Variants in PDE1C observed in about 807,000 individuals in gnomAD.
PDE1C encodes the protein phosphodiesterase 1C.
PDE1C carries 62 observed loss-of-function variants against 93.1 expected under a neutral mutation model. The ratio of observed to expected loss-of-function variants is 0.67; its 90% CI spans 0.54 to 0.82. The LOEUF is 0.82. PDE1C is among the 40% of genes least tolerant of loss of function. The pLI is 0.00. For missense variants in PDE1C, 742 were observed against 884.6 expected (o/e 0.84, Z 2.04); for synonymous variants, 325 against 310.1 (o/e 1.05, Z -0.50).
rs191691310 is a variant in PDE1C at position 32,270,593 on chromosome 7, G to C, written c.85+28058C>G. Reference sequence around the variant, plus strand: ...GGACAAGTTGAAACTCTACGTGTAAGGAGCTGGTTAGGAATAGTGAAGAAG... The same window carrying C: ...GGACAAGTTGAAACTCTACGTGTAACGAGCTGGTTAGGAATAGTGAAGAAG... On this transcript the variant is annotated intron_variant, in intron 1 of 18. Coordinates refer to the PDE1C transcript ENST00000396193. Among the ~76,000 whole-genome samples the C allele has an allele frequency of 1.5e-4, 23 of 152,284 alleles. No homozygotes were observed. In the East Asian group the frequency reaches 2.3e-3, roughly 15 times the overall value.
intron 1 of PDE1C, among the ~76,000 whole-genome samples, chr7:32,420,193 G>GTA (rs1166264006): frequency 3.6e-5 from 1 of 28,060 alleles, no homozygotes; most frequent in African/African-American, 1.2e-4. Flanking sequence ...ATATATATGT[G>GTA]TATATATATA....
intron 3 of PDE1C, among the ~76,000 whole-genome samples, chr7:32,132,657 C>A (rs1799984418): frequency 6.6e-6 from 1 of 152,128 alleles, no homozygotes. Context: ...CAGAGCAAGA[C>A]TTTGTCTCAA....
At chr7:32,114,369 G>C (rs1350939477) in intron 3 of PDE1C, among the ~76,000 whole-genome samples, 3 of 152,060 alleles carry the variant, frequency 2.0e-5, no homozygotes, top group Non-Finnish European at 4.4e-5. Flanking sequence ...CAAGCAATGG[G>C]GAAAGGATCT....
chr7:31,834,841 G>A (rs1562887927), intron 11 of PDE1C, among the ~76,000 whole-genome samples: 1 of 151,972 alleles, frequency 6.6e-6, no homozygotes. Context: ...GTTAGAATAC[G>A]AGATTTGGGA....
the PDE1C span, among the ~76,000 whole-genome samples, chr7:31,711,936 T>C: frequency 6.6e-6 from 1 of 152,038 alleles, no homozygotes; most frequent in Admixed American, 6.6e-5. Context: ...GGGACCCTCC[T>C]CTCCCTTCCC....
intron 2 of PDE1C, among the ~76,000 whole-genome samples, chr7:31,961,254 A>G (rs57697223): frequency 0.2 from 29,644 of 150,988 alleles, 3,421 homozygotes; most frequent in African/African-American, 0.32. Context: ...GTATATATAT[A>G]TATATATACA....
chr7:31,791,087 T>C (rs776322469), intron 16 of PDE1C, among the ~76,000 whole-genome samples: 1 of 152,108 alleles, frequency 6.6e-6, no homozygotes, highest in Non-Finnish European at 1.5e-5. Context: ...TAGAAGCCTT[T>C]ACAGGACAAG....
the PDE1C span, among the ~76,000 whole-genome samples, chr7:31,639,104 G>T: frequency 1.3e-5 from 2 of 152,066 alleles, no homozygotes; most frequent in South Asian, 4.1e-4. Flanking sequence ...GTGCCTTGGT[G>T]TAGTTTTCTT....
At chr7:32,271,368 A>G (rs918600572) in intron 1 of PDE1C, among the ~76,000 whole-genome samples, 1 of 152,268 alleles carries the variant, frequency 6.6e-6, no homozygotes, top group African/African-American at 2.4e-5. Flanking sequence ...AGATAATTTC[A>G]TATGAAGATG....
intron 2 of PDE1C, chr7:31,893,398 G>T: frequency 2.7e-6 from 2 of 736,942 alleles, no homozygotes; most frequent in Non-Finnish European, 3.3e-6. Context: ...TCTAATAACT[G>T]AACGTGTCAA....
At chr7:32,155,127 C>A (rs985572927) in intron 3 of PDE1C, among the ~76,000 whole-genome samples, 1 of 152,208 alleles carries the variant, frequency 6.6e-6, no homozygotes, top group Non-Finnish European at 1.5e-5. Context: ...TCCACAGCAG[C>A]ATCAAAACCA....
chr7:32,207,002 G>C (rs1418971043), intron 2 of PDE1C, among the ~76,000 whole-genome samples: 1 of 152,186 alleles, frequency 6.6e-6, no homozygotes, highest in Non-Finnish European at 1.5e-5. Flanking sequence ...ACTTCCCCAT[G>C]TTACTGTATG....
At chr7:31,927,331 G>C (rs559619877) in intron 2 of PDE1C, among the ~76,000 whole-genome samples, 1 of 152,310 alleles carries the variant, frequency 6.6e-6, no homozygotes, top group South Asian at 2.1e-4. Flanking sequence ...ATCTCCCTGG[G>C]ACAGAGCACT....
At chr7:32,327,039 A>G (rs924989743) in intron 1 of PDE1C, among the ~76,000 whole-genome samples, 1 of 152,292 alleles carries the variant, frequency 6.6e-6, no homozygotes, top group East Asian at 1.9e-4. Context: ...AGTCATCTTC[A>G]TTCCTACTTA....
chr7:32,145,025 T>C (rs1481295079), intron 3 of PDE1C, among the ~76,000 whole-genome samples: 2 of 152,218 alleles, frequency 1.3e-5, no homozygotes, highest in Non-Finnish European at 1.5e-5. Context: ...TTATTAGCAA[T>C]AGCAAATTAC....
chr7:31,946,474 C>T (rs567462539), intron 2 of PDE1C, among the ~76,000 whole-genome samples: 11 of 152,286 alleles, frequency 7.2e-5, no homozygotes, highest in South Asian at 6.2e-4. Flanking sequence ...TGGCTCCTTG[C>T]TTCTAGCATT....
the PDE1C span, among the ~76,000 whole-genome samples, chr7:31,728,279 G>T: frequency 6.6e-6 from 1 of 152,098 alleles, no homozygotes; most frequent in East Asian, 1.9e-4. Context: ...GCCCAAGGGA[G>T]CCTAGAGCTG....
chr7:32,341,173 C>CT (rs3079623), intron 1 of PDE1C, among the ~76,000 whole-genome samples: 2,192 of 84,864 alleles, frequency 0.026, 186 homozygotes, highest in African/African-American at 0.087. Flanking sequence ...GAAATAAAGT[C>CT]TTTTTTTTTT....
chr7:32,035,620 A>T (rs774070188), intron 2 of PDE1C, among the ~76,000 whole-genome samples: 17 of 152,172 alleles, frequency 1.1e-4, no homozygotes, highest in Non-Finnish European at 1.9e-4. Context: ...TGGGTCCCAA[A>T]CTAAATTTCC....
Sources: allele counts gnomAD v4.1 joint callset (sites outside exome capture counted in the v4.1 genomes callset), GRCh38; gene constraint gnomAD v4.1.1; transcripts MANE v1.5; gene names NCBI Gene and HGNC (gene_info 2026-07-23, HGNC 2026-07-21).